Variants in NRG3 observed in about 807,000 individuals in gnomAD.
NRG3 encodes neuregulin 3, also known as pro-neuregulin-3, membrane-bound isoform.
Under a neutral mutation model 66.9 loss-of-function variants are expected in NRG3, and 31 were observed. The ratio of observed to expected loss-of-function variants is 0.46; its 90% CI spans 0.35 to 0.63. The LOEUF is 0.63. NRG3 is among the 20% of genes least tolerant of loss of function. NRG3 has a pLI of 0.00. For missense variants in NRG3, 910 were observed against 878.9 expected, an observed-to-expected ratio of 1.04 and a Z score of -0.45; for synonymous variants, 393 against 359.4, an observed-to-expected ratio of 1.09 and a Z score of -1.06.
chr10:82,119,160 T>G (rs2132339791), intron 1 of NRG3, among the ~76,000 whole-genome samples: 1 of 152,270 alleles, frequency 6.6e-6, no homozygotes, highest in South Asian at 2.1e-4. Context: ...GTGAGAACAT[T>G]TAAAATTATG....
At chr10:81,880,579 T>C (rs899105055) in intron 1 of NRG3, among the ~76,000 whole-genome samples, 1 of 152,142 alleles carries the variant, frequency 6.6e-6, no homozygotes, top group African/African-American at 2.4e-5. Context: ...TTCTCAGCCC[T>C]TCCTCCCCTT....
chr10:82,981,463 G>A (rs1459005377), intron 8 of NRG3, among the ~76,000 whole-genome samples: 1 of 152,184 alleles, frequency 6.6e-6, no homozygotes, highest in Admixed American at 6.5e-5. Flanking sequence ...TGTCTCTCTG[G>A]ACTGGAAATG....
At chr10:82,554,964 T>G (rs925305212) in intron 2 of NRG3, among the ~76,000 whole-genome samples, 2 of 152,174 alleles carry the variant, frequency 1.3e-5, no homozygotes, top group African/African-American at 4.8e-5. Flanking sequence ...TTTGCCTCCC[T>G]GCAGTGGCCC....
At chr10:82,547,928 AAGAT>A (rs1341809825) in intron 2 of NRG3, among the ~76,000 whole-genome samples, 6 of 152,132 alleles carry the variant, frequency 3.9e-5, no homozygotes, top group Non-Finnish European at 5.9e-5. Context: ...TTCAGATTGA[AAGAT>A]AGACTTATTT....
At chr10:82,377,457 TGC>T (rs141762555) in intron 2 of NRG3, among the ~76,000 whole-genome samples, 2 of 150,344 alleles carry the variant, frequency 1.3e-5, no homozygotes, top group Non-Finnish European at 2.9e-5. Flanking sequence ...TGTGTGTGTG[TGC>T]GCGAGCGCAC....
intron 3 of NRG3, among the ~76,000 whole-genome samples, chr10:82,755,176 T>C (rs1349496917): frequency 6.6e-6 from 1 of 152,120 alleles, no homozygotes; most frequent in Non-Finnish European, 1.5e-5. Flanking sequence ...TGTAGTATTA[T>C]CAGTAAACAA....
At chr10:82,156,428 G>A (rs1456589753) in intron 1 of NRG3, among the ~76,000 whole-genome samples, 3 of 151,526 alleles carry the variant, frequency 2.0e-5, no homozygotes, top group Non-Finnish European at 3.0e-5. Context: ...GTCTTCTCAG[G>A]TATTGTGAGC....
intron 2 of NRG3, among the ~76,000 whole-genome samples, chr10:82,545,447 CG>C (rs2043831915): frequency 7.0e-6 from 1 of 143,780 alleles, no homozygotes; most frequent in South Asian, 2.2e-4. Flanking sequence ...GGCGCGATCT[CG>C]GCTCACTGAA....
intron 2 of NRG3, among the ~76,000 whole-genome samples, chr10:82,499,918 T>C (rs1416379267): frequency 6.6e-6 from 1 of 152,188 alleles, no homozygotes; most frequent in Non-Finnish European, 1.5e-5. Context: ...TTAAATAGAA[T>C]GAAGACTAGA....
intron 2 of NRG3, among the ~76,000 whole-genome samples, chr10:82,642,449 C>T (rs781213943): frequency 2.0e-5 from 3 of 151,946 alleles, no homozygotes; most frequent in African/African-American, 4.8e-5. Flanking sequence ...AAATAATGCA[C>T]ACCACTCATG....
chr10:81,999,136 G>T (rs1589732698), intron 1 of NRG3, among the ~76,000 whole-genome samples: 1 of 152,296 alleles, frequency 6.6e-6, no homozygotes, highest in Non-Finnish European at 1.5e-5. Context: ...TACCTTTTTA[G>T]ATTCCAAAAA....
At chr10:82,251,726 C>A (rs543759511) in intron 1 of NRG3, among the ~76,000 whole-genome samples, 2 of 152,244 alleles carry the variant, frequency 1.3e-5, no homozygotes, top group East Asian at 3.9e-4. Flanking sequence ...AGGTAGGGAT[C>A]TTCGTTAAAA....
At chr10:82,025,311 A>G (rs945955290) in intron 1 of NRG3, among the ~76,000 whole-genome samples, 7 of 151,234 alleles carry the variant, frequency 4.6e-5, no homozygotes, top group African/African-American at 1.7e-4. Context: ...CTCTAGCCAT[A>G]TCTGACTTTT....
intron 1 of NRG3, among the ~76,000 whole-genome samples, chr10:82,274,992 G>C (rs1032017722): frequency 2.0e-5 from 3 of 151,968 alleles, no homozygotes; most frequent in Non-Finnish European, 4.4e-5. Context: ...TGGACTGCTA[G>C]CCTTTTCCTT....
chr10:82,753,904 G>A (rs1189172921), intron 3 of NRG3, among the ~76,000 whole-genome samples: 1 of 149,694 alleles, frequency 6.7e-6, no homozygotes, highest in Non-Finnish European at 1.5e-5. Context: ...CCAAGATCAT[G>A]CCTCTGCACT....
chr10:82,280,294 T>C (rs2079061290), intron 1 of NRG3, among the ~76,000 whole-genome samples: 1 of 152,154 alleles, frequency 6.6e-6, no homozygotes, highest in African/African-American at 2.4e-5. Flanking sequence ...TTAAAACAGG[T>C]GGGTTCCCTT....
At chr10:82,114,876 C>T (rs895996177) in intron 1 of NRG3, among the ~76,000 whole-genome samples, 1 of 152,146 alleles carries the variant, frequency 6.6e-6, no homozygotes, top group South Asian at 2.1e-4. Flanking sequence ...CACCTTCATA[C>T]AACGCAAGTA....
chr10:82,622,228 T>G (rs1237390752), intron 2 of NRG3, among the ~76,000 whole-genome samples: 1 of 151,554 alleles, frequency 6.6e-6, no homozygotes, highest in Non-Finnish European at 1.5e-5. Context: ...TTTTTTGCAG[T>G]GATGGTGCTT....
intron 6 of NRG3, among the ~76,000 whole-genome samples, chr10:82,959,500 G>A (rs904399588): frequency 2.0e-5 from 3 of 152,116 alleles, no homozygotes; most frequent in Non-Finnish European, 4.4e-5. Flanking sequence ...TTGCAGCAGA[G>A]GTTGGACAAG....
Sources: allele counts gnomAD v4.1 joint callset (sites outside exome capture counted in the v4.1 genomes callset), GRCh38; gene constraint gnomAD v4.1.1; transcripts MANE v1.5; gene names NCBI Gene and HGNC (gene_info 2026-07-23, HGNC 2026-07-21).